The following RGS9 variants were observed in gnomAD, a reference collection of about 807,000 sequenced individuals.
The protein encoded by RGS9 is regulator of G-protein signalling 9.
Under a neutral mutation model 102.0 loss-of-function variants are expected in RGS9, and 78 were observed. The ratio of observed to expected loss-of-function variants is 0.76; its 90% CI spans 0.64 to 0.92. The LOEUF (loss-of-function observed/expected upper bound fraction) is 0.92. Among genes scored for constraint, RGS9 ranks in the 40% least tolerant of loss-of-function variants. The probability of loss-of-function intolerance (pLI) is 0.00; values close to 1 mark genes in which losing one functional copy is unlikely to be tolerated. For missense variants in RGS9, 833 were observed against 866.1 expected (o/e 0.96, Z 0.48); for synonymous variants, 353 against 318.6 (o/e 1.11, Z -1.15).
intron 1 of RGS9, among the ~76,000 whole-genome samples, chr17:65,142,755 G>T (rs934537904): frequency 6.6e-6 from 1 of 151,798 alleles, no homozygotes; most frequent in Non-Finnish European, 1.5e-5. Flanking sequence ...GCTAATTTTT[G>T]TGTTTTTAGT....
intron 2 of RGS9, among the ~76,000 whole-genome samples, chr17:65,155,579 C>T (rs557851897): frequency 4.6e-5 from 7 of 152,054 alleles, no homozygotes; most frequent in Admixed American, 4.6e-4. Context: ...CTCATGCTGT[C>T]TCCCAGGCTG....
intron 7 of RGS9, 54 bp downstream of exon 7, chr17:65,163,143 CT>C (rs1911051436): frequency 1.2e-6 from 1 of 815,966 alleles, no homozygotes; most frequent in South Asian, 1.9e-5. Flanking sequence ...CCCTCTCTTC[CT>C]TCTTTGTTTC....
In RGS9 at chr17:65,173,382, G is replaced by A. The variant is rs1472946983; in HGVS notation, c.583-4350G>A. ...CAGGGGGACACGGTGGAGTACCACC[G>A]AGAAGTGTCCGTCAGCTCCACGCTG... On this transcript the variant is annotated intron_variant, in intron 8 of 18. Transcript: ENST00000262406. The surrounding 1 kb of genome is among the most constrained non-coding windows in gnomAD (Gnocchi z 4.8). Among the ~76,000 whole-genome samples, 3 of 152,150 alleles carry A rather than the reference G, an allele frequency of 2.0e-5. No individual in the cohort carries two copies. Among genetic ancestry groups the A allele is most frequent in the East Asian group, 3.9e-4 (2 of 5,188 alleles).
intron 9 of RGS9, among the ~76,000 whole-genome samples, chr17:65,182,698 C>T (rs77411471): frequency 0.016 from 2,461 of 152,322 alleles, 78 homozygotes; most frequent in African/African-American, 0.055. Flanking sequence ...GATTCAGTTA[C>T]GTGTTTCCAG....
chr17:65,181,899 C>T (rs570503277), intron 9 of RGS9, among the ~76,000 whole-genome samples: 1 of 152,284 alleles, frequency 6.6e-6, no homozygotes, highest in Admixed American at 6.5e-5. Flanking sequence ...CCACACACAG[C>T]TGGTATTATT....
At chr17:65,222,705 A>G (rs574188342) in intron 17 of RGS9, among the ~76,000 whole-genome samples, 7 of 152,164 alleles carry the variant, frequency 4.6e-5, no homozygotes, top group Non-Finnish European at 8.8e-5. Flanking sequence ...ATGTGTCCTA[A>G]GTAGAGTTGC....
intron 17 of RGS9, among the ~76,000 whole-genome samples, chr17:65,219,698 G>A (rs983491943): frequency 2.3e-4 from 35 of 152,150 alleles, no homozygotes; most frequent in African/African-American, 7.5e-4. Flanking sequence ...AAAAATATAA[G>A]GGCCAGGGAC....
intron 17 of RGS9, among the ~76,000 whole-genome samples, chr17:65,218,274 G>A (rs1282988830): frequency 6.6e-6 from 1 of 152,204 alleles, no homozygotes; most frequent in Non-Finnish European, 1.5e-5. Flanking sequence ...GGGAAAGAGG[G>A]AGGTGTTGTC....
chr17:65,202,182 G>A, intron 14 of RGS9, 102 bp downstream of exon 14: 1 of 783,722 alleles, frequency 1.3e-6, no homozygotes, highest in Non-Finnish European at 2.2e-6. Flanking sequence ...CAGCCTGGTA[G>A]CTGGCTGGGC....
intron 1 of RGS9, among the ~76,000 whole-genome samples, chr17:65,153,142 T>G (rs1283051366): frequency 6.6e-6 from 1 of 152,200 alleles, no homozygotes; most frequent in Non-Finnish European, 1.5e-5. Flanking sequence ...GCAAAATCCT[T>G]TCTTGTTAAG....
intron 7 of RGS9, among the ~76,000 whole-genome samples, chr17:65,166,092 C>T (rs1029368823): frequency 6.6e-6 from 1 of 152,122 alleles, no homozygotes; most frequent in African/African-American, 2.4e-5. Context: ...CACAGCATGG[C>T]GGCATCAGGG....
intron 1 of RGS9, among the ~76,000 whole-genome samples, chr17:65,148,477 C>CTG (rs1910453963): frequency 6.6e-6 from 1 of 152,272 alleles, no homozygotes; most frequent in South Asian, 2.1e-4. Context: ...TTTAATTTTT[C>CTG]TGATGAACCT....
At chr17:65,191,379 G>T (rs8079250) in intron 11 of RGS9, among the ~76,000 whole-genome samples, 25,508 of 149,830 alleles carry the variant, frequency 0.17, 3,522 homozygotes, top group East Asian at 0.34. Flanking sequence ...TTTTTTTTTT[G>T]TTGTTGTTGT....
At chr17:65,186,195 T>C in intron 9 of RGS9, among the ~76,000 whole-genome samples, 1 of 150,962 alleles carries the variant, frequency 6.6e-6, no homozygotes, top group East Asian at 1.9e-4. Context: ...TATTTATTTA[T>C]TTATTTATTT....
intron 8 of RGS9, among the ~76,000 whole-genome samples, chr17:65,169,593 G>A (rs893375056): frequency 1.3e-5 from 2 of 152,178 alleles, no homozygotes; most frequent in African/African-American, 4.8e-5. Flanking sequence ...GTAAAGAACG[G>A]CTTCTATATT....
chr17:65,161,659 A>G (rs934961187), intron 6 of RGS9, among the ~76,000 whole-genome samples: 4 of 152,012 alleles, frequency 2.6e-5, no homozygotes, highest in African/African-American at 9.7e-5. Flanking sequence ...AAAGGCCAAA[A>G]TTTCTGGGTG....
intron 8 of RGS9, among the ~76,000 whole-genome samples, chr17:65,174,618 T>G (rs1029515185): frequency 1.3e-5 from 2 of 152,056 alleles, no homozygotes; most frequent in African/African-American, 2.4e-5. Context: ...TGTGCATGCA[T>G]GTAAACATAT....
chr17:65,215,316 A>T (rs1913449444), intron 17 of RGS9, among the ~76,000 whole-genome samples: 1 of 152,126 alleles, frequency 6.6e-6, no homozygotes, highest in Non-Finnish European at 1.5e-5. Flanking sequence ...GATCCTCCTA[A>T]GACAAGGGTG....
chr17:65,179,412 C>T (rs924100677), intron 9 of RGS9, among the ~76,000 whole-genome samples: 4 of 152,162 alleles, frequency 2.6e-5, no homozygotes, highest in Non-Finnish European at 5.9e-5. Flanking sequence ...CAGATCACTG[C>T]TGAGGCCTTG....
Sources: allele counts gnomAD v4.1 joint callset (sites outside exome capture counted in the v4.1 genomes callset), GRCh38; gene constraint gnomAD v4.1.1; non-coding constraint Gnocchi (gnomAD v3.1); transcripts MANE v1.5; gene names NCBI Gene and HGNC (gene_info 2026-07-23, HGNC 2026-07-21).